The following LIG3 variants were observed in gnomAD, a reference collection of about 807,000 sequenced individuals.
LIG3 encodes ligase II, DNA, ATP-dependent.
A neutral mutation model predicts 110.9 loss-of-function variants in LIG3; 58 were observed. The observed-to-expected ratio is 0.52, with a 90% CI of 0.42 to 0.65. The LOEUF (loss-of-function observed/expected upper bound fraction) is 0.65, where lower values mean the gene tolerates loss of function less well. Ranked by LOEUF, LIG3 falls within the 30% of genes least tolerant of loss-of-function variation. The pLI is 0.00. For synonymous variants in LIG3, 422 were observed against 472.8 expected, an observed-to-expected ratio of 0.89 and a Z score of 1.39; for missense variants, 1,094 against 1,273.8, an observed-to-expected ratio of 0.86 and a Z score of 2.15.
rs761758123 is a variant in LIG3, at chr17:35,002,737, T to A, written c.2744T>A (p.Val915Glu). Residue 915 changes from valine (V) to glutamate (E), a missense_variant, in exon 19 of 20, where the codon GTG becomes GAG. Physicochemically the swap from Val to Glu is moderately radical, Grantham distance 121. Coordinates refer to ENST00000378526, the MANE Select transcript of LIG3 (RefSeq NM_013975.4). ...AAGCTGGCCACAAAGTCTTCTCCAG[T>A]GAAAGTAGGGGAGAAGCGGAAAGCT... Reference protein sequence around the residue: ...GEKLATKSSPVKVGEKRKAAD... With the variant: ...GEKLATKSSPEKVGEKRKAAD... 1 of 1,612,526 alleles carries A rather than the reference T, an allele frequency of 6.2e-7. No homozygotes were observed. Among genetic ancestry groups the A allele is most frequent in the East Asian group, 2.2e-5 (1 of 44,856 alleles).
chr17:34,992,135 C>A, intron 7 of LIG3, 100 bp downstream of exon 7: 3 of 984,548 alleles, frequency 3.0e-6, no homozygotes, highest in East Asian at 2.5e-5. Flanking sequence ...GATTTGAATC[C>A]CCCTTCCACC....
In LIG3 at chr17:34,991,836, A is replaced by G; in HGVS notation, c.1207A>G (p.Arg403Gly). ...ACAGGCCCTACAGGACATTGCCTCC[A>G]GGTGGGGGAGCTGCCTCCGTCAAAC... is the stretch of plus-strand genomic sequence containing the variant. ...QQQALQDIAS[R>G]CTANDLKCII... is the part of the protein sequence containing the mutation. Residue 403 changes from arginine (R) to glycine (G), a missense_variant and splice_region_variant, in exon 6 of 20, where the codon AGG becomes GGG. Arg to Gly is a moderately radical substitution (Grantham distance 125, BLOSUM62 -2). Coordinates refer to ENST00000378526, the MANE Select transcript of LIG3 (RefSeq NM_013975.4). The G allele has an allele frequency of 6.2e-7, 1 of 1,614,084 alleles. No individual in the cohort carries two copies. The highest frequency in any genetic ancestry group is 1.3e-5 in the African/African-American group (1 of 75,050).
Position 35,004,177 on chromosome 17 carries a change from T to G in LIG3, c.2797-96T>G, listed in dbSNP as rs2090874364. On this transcript the variant is annotated intron_variant, in intron 19 of 19. Coordinates refer to ENST00000378526, the MANE Select transcript of LIG3 (RefSeq NM_013975.4). ...TAAACTTCTCTGCTTGTGTCCTAAC[T>G]CTAGGCTCCCTCATTCTGTCCCGTG... is the stretch of plus-strand genomic sequence containing the variant. The G allele has an allele frequency of 3.5e-6, 3 of 857,582 alleles. No homozygotes were observed. The South Asian group carries it at 4.8e-5, about 14-fold the overall frequency. 53.1% of individuals were successfully genotyped at this position (857,582 alleles called of 1,614,324 possible).
At position 34,999,358 on chromosome 17, in the gene LIG3, AGTG is replaced by A. The variant is rs780638953; in HGVS notation, c.2169_2171del (p.Trp723del). The A allele has an allele frequency of 1.2e-6, 2 of 1,614,032 alleles. No homozygotes were observed. Among genetic ancestry groups the A allele is most frequent in the Admixed American group, 1.7e-5 (1 of 60,018 alleles). ...GGCTGCTACGACCCTGGCAGCCAGA[AGTG>A]GTGCACAGTCACCAAGTGTGCAGGA... On this transcript the variant is annotated inframe_deletion, in exon 15 of 20. Transcript: ENST00000378526.
rs1198774973 is a variant in LIG3 at position 34,983,233 on chromosome 17, G to T, written c.228G>T (p.Gly76=). The change falls in exon 2 of 20, where the codon GGG becomes GGT. Residue 76 remains glycine (G), a synonymous_variant. Transcript: ENST00000378526. ...CCACCTACCTTGTTTTCTTGCCAGG[G>T]TTGCATGTGGGACTCTGCAGTGGCC... ...SRATYLVFLP[G]LHVGLCSGPC... The T allele has an allele frequency of 2.5e-6, 4 of 1,614,178 alleles. No individual in the cohort carries two copies. Among genetic ancestry groups the T allele is most frequent in the Non-Finnish European group, 3.4e-6 (4 of 1,180,018 alleles).
rs1018206954 is a variant in LIG3 at position 35,005,059 on chromosome 17, A to G, written c.*553A>G. 4 of 301,822 alleles carry G rather than the reference A, an allele frequency of 1.3e-5. No homozygotes were observed. Among genetic ancestry groups the G allele is most frequent in the Non-Finnish European group, 2.6e-5 (4 of 152,480 alleles). 18.7% of individuals were successfully genotyped at this position (301,822 alleles called of 1,614,324 possible). ...GAAAGAAAACAAAATGAATTTTTTTACTTTCTTCTCTGTGTTCTCCTATTA... is the reference window on the plus strand; with the variant it reads ...GAAAGAAAACAAAATGAATTTTTTTGCTTTCTTCTCTGTGTTCTCCTATTA... On this transcript the variant is annotated 3_prime_UTR_variant, in exon 20 of 20. Transcript: ENST00000378526.
intron 15 of LIG3, 23 bp from the exon 16 acceptor site, chr17:34,999,759 A>G (rs749347162): frequency 2.4e-5 from 39 of 1,607,540 alleles, no homozygotes; most frequent in East Asian, 6.7e-5. Context: ...GAACAGCCCA[A>G]AGTAGCATCT....
At chr17:34,989,942 C>T in intron 4 of LIG3, 2 of 421,424 alleles carry the variant, frequency 4.7e-6, no homozygotes, top group Non-Finnish European at 8.7e-6. Flanking sequence ...AAGAACCCAT[C>T]CTATTTGACT....
Position 34,992,615 on chromosome 17 carries a change from G to A in LIG3, c.1378G>A (p.Glu460Lys), listed in dbSNP as rs1362627502. The change falls in exon 8 of 20, where the codon GAG becomes AAG. Residue 460 changes from glutamate (E) to lysine (K), a missense_variant. Coordinates refer to ENST00000378526, the MANE Select transcript of LIG3 (RefSeq NM_013975.4). ...GGAGCGGGTCCTTCACAACGCGCAG[G>A]AGGTGGAGAAGGAGCCGGGCCAGAG... ...VVERVLHNAQ[E>K]VEKEPGQRRA... is the part of the protein sequence containing the mutation. 1.2e-6 allele frequency: 2 copies of A among 1,613,904 alleles called. No homozygotes were observed. Among genetic ancestry groups the A allele is most frequent in the Non-Finnish European group, 1.7e-6 (2 of 1,179,932 alleles).
At chr17:34,996,035 C>T (rs941461763) in intron 9 of LIG3, 29 bp from the exon 10 acceptor site, 3 of 1,604,174 alleles carry the variant, frequency 1.9e-6, no homozygotes, top group Non-Finnish European at 2.6e-6. Flanking sequence ...CCATGTCATC[C>T]CTCACCAAAG....
At chr17:34,983,938 G>A (rs946049780) in intron 2 of LIG3, among the ~76,000 whole-genome samples, 1 of 152,180 alleles carries the variant, frequency 6.6e-6, no homozygotes, top group Non-Finnish European at 1.5e-5. Flanking sequence ...ATTTGTTCAT[G>A]TGCTGTCTCT....
In LIG3 at chr17:35,007,704, C is replaced by T. The variant is rs1156810366; in HGVS notation, c.*3198C>T. 2 of 152,094 alleles carry T rather than the reference C, an allele frequency of 1.3e-5. No individual in the cohort carries two copies. Among genetic ancestry groups the T allele is most frequent in the African/African-American group, 2.4e-5 (1 of 41,408 alleles). The allele number at this position is 152,094 out of a possible 1,614,324, so 9.4% of individuals were successfully genotyped here. On this transcript the variant is annotated 3_prime_UTR_variant, in exon 20 of 20. Transcript: ENST00000378526. ...AGGGAGGTTTGTACAAGCCTGCGCACACACAGCAGTCTGTCACGAGGCTGG... is the reference window on the plus strand; with the variant it reads ...AGGGAGGTTTGTACAAGCCTGCGCATACACAGCAGTCTGTCACGAGGCTGG...
intron 8 of LIG3, among the ~76,000 whole-genome samples, chr17:34,993,661 T>G (rs2090748898): frequency 6.6e-6 from 1 of 152,220 alleles, no homozygotes; most frequent in African/African-American, 2.4e-5. Context: ...CTCTCTAACC[T>G]TCAGTTTTAT....
rs1265724826 is a variant in LIG3, at chr17:35,002,040, C to T, written c.2610C>T (p.Pro870=). The T allele has an allele frequency of 4.4e-6, 7 of 1,608,114 alleles. No homozygotes were observed. The highest frequency in any genetic ancestry group is 1.1e-5 in the South Asian group (1 of 90,226). ...PSGSAVSRKA[P]SKPSASTKKA... is the part of the protein sequence containing the mutation. ...GGTCTGCTGTGTCCCGCAAGGCCCC[C>T]AGCAAGCCCTCAGCCAGTACCAAGA... Residue 870 remains proline, a synonymous_variant, in exon 18 of 20, where the codon CCC becomes CCT. Transcript: ENST00000378526.
intron 11 of LIG3, 112 bp from the exon 12 acceptor site, chr17:34,997,625 TG>T: frequency 1.3e-6 from 1 of 780,752 alleles, no homozygotes; most frequent in Non-Finnish European, 2.3e-6. Context: ...CTTTGATCCA[TG>T]GCAAACCCTT....
rs576201466 is a variant in LIG3 at position 35,008,484 on chromosome 17, A to T, written c.*3978A>T. 6 of 151,280 alleles carry T rather than the reference A, an allele frequency of 4.0e-5. No homozygotes were observed. The highest frequency in any genetic ancestry group is 1.5e-4 in the African/African-American group (6 of 41,096). The allele number at this position is 151,280 out of a possible 1,614,324, so 9.4% of individuals were successfully genotyped here. On this transcript the variant is annotated 3_prime_UTR_variant, in exon 20 of 20. Coordinates refer to ENST00000378526, the MANE Select transcript of LIG3 (RefSeq NM_013975.4). ...GGTCTCACTCTGTCACCCTGGCTGG[A>T]GTGCGGTGGCGATCAGAGCTCACTG...
chr17:34,994,253 G>T (rs1231123155), intron 8 of LIG3, 23 bp from the exon 9 acceptor site: 1 of 1,604,636 alleles, frequency 6.2e-7, no homozygotes, highest in Non-Finnish European at 8.5e-7. Flanking sequence ...AAAGTCTCCA[G>T]GCTTTGCTTT....
chr17:34,989,361 A>G, intron 3 of LIG3, 105 bp from the exon 4 acceptor site: 2 of 1,040,438 alleles, frequency 1.9e-6, no homozygotes, highest in Non-Finnish European at 2.8e-6. Flanking sequence ...ATTCGGGGAG[A>G]TTAAATAAAG....
chr17:34,995,159 CAG>C (rs2142265504), intron 9 of LIG3, among the ~76,000 whole-genome samples: 1 of 152,298 alleles, frequency 6.6e-6, no homozygotes, highest in Admixed American at 6.5e-5. Context: ...TTCAGAGCCT[CAG>C]GGGGTTCAGG....
Sources: gnomAD v4.1 joint callset for allele counts (sites outside exome capture counted in the v4.1 genomes callset) on GRCh38, gnomAD v4.1.1 for gene constraint, MANE v1.5 for transcripts, NCBI Gene and HGNC (gene_info 2026-07-23, HGNC 2026-07-21) for gene names.